The following ZSCAN4 variants were observed in gnomAD, a reference collection of about 807,000 sequenced individuals.
ZSCAN4 encodes zinc finger and SCAN domain-containing protein 4.
ZSCAN4 carries 18 observed loss-of-function variants against 18.3 expected under a neutral mutation model. That is an observed-to-expected ratio of 0.98 (90% CI 0.68 to 1.46). The LOEUF (loss-of-function observed/expected upper bound fraction) is 1.46. Ranked by LOEUF, ZSCAN4 falls within the 40% of genes most tolerant of loss-of-function variation. ZSCAN4 has a pLI of 0.00. For synonymous variants in ZSCAN4, 193 were observed against 180.3 expected (o/e 1.07, Z -0.57); for missense variants, 498 against 511.4 (o/e 0.97, Z 0.25).
At chr19:57,678,476 C>T (rs1245885381) in exon 5 of ZSCAN4, 2 of 1,613,958 alleles carry the variant, frequency 1.2e-6, no homozygotes, top group African/African-American at 1.3e-5. Context: ...CCCACCAGAG[C>T]AATGAGGGAA....
At chr19:57,654,982 A>G in the ZSCAN4 span, among the ~76,000 whole-genome samples, 2 of 152,076 alleles carry the variant, frequency 1.3e-5, no homozygotes, top group Non-Finnish European at 1.5e-5. Context: ...CCCTTAACCT[A>G]TCTATCCATC....
At chr19:57,651,717 A>T in the ZSCAN4 span, among the ~76,000 whole-genome samples, 2 of 152,186 alleles carry the variant, frequency 1.3e-5, no homozygotes, top group Non-Finnish European at 2.9e-5. Flanking sequence ...AGCAGTGAGC[A>T]GCGGCAGCTC....
At chr19:57,665,248 T>G (rs1983824312), upstream of ZSCAN4, among the ~76,000 whole-genome samples, 1 of 152,230 alleles carries the variant, frequency 6.6e-6, no homozygotes, top group Non-Finnish European at 1.5e-5. Flanking sequence ...AAAAAGAATC[T>G]AGCTGCCACT....
At chr19:57,657,415 C>A in the ZSCAN4 span, among the ~76,000 whole-genome samples, 1 of 151,870 alleles carries the variant, frequency 6.6e-6, no homozygotes, top group African/African-American at 2.4e-5. Flanking sequence ...CAAATGAAAA[C>A]CACAATGAGA....
upstream of ZSCAN4, among the ~76,000 whole-genome samples, chr19:57,665,333 G>T (rs1461341941): frequency 6.6e-6 from 1 of 152,030 alleles, no homozygotes; most frequent in Non-Finnish European, 1.5e-5. Flanking sequence ...GGCTTCTGGC[G>T]GTTCTTCCCA....
chr19:57,663,984 T>C (rs917983159), upstream of ZSCAN4, among the ~76,000 whole-genome samples: 15 of 151,276 alleles, frequency 9.9e-5, no homozygotes, highest in Middle Eastern at 0.01. Flanking sequence ...AAAAAACAAT[T>C]AGCCGGGCTA....
upstream of ZSCAN4, chr19:57,664,322 C>G (rs1416728881): frequency 6.5e-6 from 1 of 153,126 alleles, no homozygotes; most frequent in Admixed American, 6.5e-5. Flanking sequence ...GAGCAAGAGC[C>G]CCAGGACGCT....
upstream of ZSCAN4, among the ~76,000 whole-genome samples, chr19:57,666,824 C>T (rs1983864225): frequency 6.6e-6 from 1 of 152,166 alleles, no homozygotes; most frequent in Non-Finnish European, 1.5e-5. Context: ...GCACTCCAGC[C>T]TGGGCGACAG....
At chr19:57,654,289 G>A in the ZSCAN4 span, among the ~76,000 whole-genome samples, 2 of 151,904 alleles carry the variant, frequency 1.3e-5, no homozygotes, top group Non-Finnish European at 2.9e-5. Flanking sequence ...TTTACCCCCT[G>A]TCATTCTACC....
the ZSCAN4 span, among the ~76,000 whole-genome samples, chr19:57,661,476 G>A: frequency 9.2e-5 from 14 of 152,004 alleles, no homozygotes; most frequent in African/African-American, 1.7e-4. Context: ...ACTCCAACAC[G>A]TCTGTCTCCA....
intron 2 of ZSCAN4, among the ~76,000 whole-genome samples, chr19:57,671,653 T>C (rs1267081170): frequency 1.3e-5 from 2 of 152,108 alleles, no homozygotes; most frequent in Non-Finnish European, 2.9e-5. Flanking sequence ...AGGGGAGCCA[T>C]CCAGAGAGTA....
intron 3 of ZSCAN4, 123 bp downstream of exon 3, chr19:57,676,664 A>G: frequency 9.1e-7 from 1 of 1,098,844 alleles, no homozygotes; most frequent in Non-Finnish European, 1.3e-6. Flanking sequence ...GTCAGCTCAC[A>G]CTCTCCCACC....
chr19:57,667,086 GC>G (rs932580626), upstream of ZSCAN4, among the ~76,000 whole-genome samples: 41 of 152,280 alleles, frequency 2.7e-4, no homozygotes, highest in African/African-American at 8.4e-4. Context: ...AGCACTACCT[GC>G]CTTCCCAATT....
chr19:57,658,725 T>C, the ZSCAN4 span, among the ~76,000 whole-genome samples: 2 of 151,312 alleles, frequency 1.3e-5, no homozygotes, highest in Non-Finnish European at 2.9e-5. Flanking sequence ...TCCCAGCTAC[T>C]TGGGAGGCTG....
chr19:57,659,450 G>A, the ZSCAN4 span, among the ~76,000 whole-genome samples: 1 of 152,174 alleles, frequency 6.6e-6, no homozygotes, highest in African/African-American at 2.4e-5. Flanking sequence ...TCAGTGGCAT[G>A]ATCACAGCTA....
chr19:57,655,661 C>T, the ZSCAN4 span, among the ~76,000 whole-genome samples: 9 of 152,134 alleles, frequency 5.9e-5, no homozygotes, highest in African/African-American at 7.2e-5. Flanking sequence ...AACAAACACA[C>T]ACCTCCTACA....
intron 2 of ZSCAN4, among the ~76,000 whole-genome samples, chr19:57,671,377 G>A (rs1404483575): frequency 4.6e-5 from 7 of 151,974 alleles, no homozygotes; most frequent in African/African-American, 1.5e-4. Flanking sequence ...TATGTGGGAC[G>A]GAGTGCATGT....
At chr19:57,665,313 G>GT (rs1311513815), upstream of ZSCAN4, among the ~76,000 whole-genome samples, 1 of 152,134 alleles carries the variant, frequency 6.6e-6, no homozygotes, top group East Asian at 1.9e-4. Context: ...TTCCTGGAGT[G>GT]TATCTACTTG....
At chr19:57,656,392 A>C in the ZSCAN4 span, among the ~76,000 whole-genome samples, 1 of 152,138 alleles carries the variant, frequency 6.6e-6, no homozygotes, top group Non-Finnish European at 1.5e-5. Flanking sequence ...ATCCTGCCCA[A>C]ATCTCAAGAA....
Sources: gnomAD v4.1 joint callset for allele counts (sites outside exome capture counted in the v4.1 genomes callset) on GRCh38, gnomAD v4.1.1 for gene constraint, MANE v1.5 for transcripts, NCBI Gene and HGNC (gene_info 2026-07-23, HGNC 2026-07-21) for gene names.